The following DROSHA variants were observed in gnomAD, a reference collection of about 807,000 sequenced individuals.
The protein encoded by DROSHA is drosha ribonuclease III.
Under a neutral mutation model 181.9 loss-of-function variants are expected in DROSHA, and 56 were observed. The observed-to-expected ratio is 0.31, with a 90% CI of 0.25 to 0.38. The LOEUF is 0.38. Ranked by LOEUF, DROSHA falls within the 10% of genes least tolerant of loss-of-function variation. The probability of loss-of-function intolerance (pLI) is 1.00; values close to 1 mark genes in which losing one functional copy is unlikely to be tolerated. For missense variants in DROSHA, 1,218 were observed against 1,743.5 expected, an observed-to-expected ratio of 0.70 and a Z score of 5.37; for synonymous variants, 524 against 591.2, an observed-to-expected ratio of 0.89 and a Z score of 1.65.
intron 23 of DROSHA, 93 bp from the exon 24 acceptor site, chr5:31,437,391 G>T: frequency 8.8e-7 from 1 of 1,131,990 alleles, no homozygotes; most frequent in Non-Finnish European, 1.2e-6. Context: ...ATGAGGGTTA[G>T]CTCCTTTAGT....
chr5:31,431,367 A>AAG (rs1744160077), intron 26 of DROSHA, among the ~76,000 whole-genome samples: 1 of 15,826 alleles, frequency 6.3e-5, no homozygotes, highest in Admixed American at 7.5e-4. Flanking sequence ...AGTAGAATGC[A>AAG]AAAAAAAAAA....
intron 35 of DROSHA, among the ~76,000 whole-genome samples, chr5:31,405,069 T>C (rs1740478802): frequency 6.6e-6 from 1 of 152,122 alleles, no homozygotes; most frequent in African/African-American, 2.4e-5. Context: ...TAGAGAAATG[T>C]ATGAAAGAAA....
intron 13 of DROSHA, among the ~76,000 whole-genome samples, chr5:31,487,923 A>G (rs903414633): frequency 4.6e-5 from 7 of 152,210 alleles, no homozygotes; most frequent in African/African-American, 1.7e-4. Context: ...TAACAACTAT[A>G]TTAGGTTCAT....
intron 16 of DROSHA, among the ~76,000 whole-genome samples, chr5:31,478,033 T>C (rs996993509): frequency 6.6e-6 from 1 of 152,192 alleles, no homozygotes; most frequent in Admixed American, 6.5e-5. Context: ...TGATGACTTA[T>C]AAAACTTGAA....
chr5:31,474,474 C>T (rs914930201), intron 16 of DROSHA, among the ~76,000 whole-genome samples: 1 of 152,104 alleles, frequency 6.6e-6, no homozygotes, highest in East Asian at 1.9e-4. Context: ...GCAATCCTCC[C>T]ATCTCAGCAT....
At chr5:31,427,147 C>CA (rs1743573111) in intron 27 of DROSHA, among the ~76,000 whole-genome samples, 1 of 152,138 alleles carries the variant, frequency 6.6e-6, no homozygotes, top group African/African-American at 2.4e-5. Context: ...CTTGAAAAGA[C>CA]ACTTTTTCCA....
chr5:31,437,387 G>A lies in DROSHA; in HGVS notation c.2883-89C>T, dbSNP rs996559911. ...CCCCGCAAGAAAAGAACACATGAGG[G>A]TTAGCTCCTTTAGTAATCAAACCAC... is the stretch of plus-strand genomic sequence containing the variant. On this transcript the variant is annotated intron_variant, in intron 23 of 35. Transcript: ENST00000344624. The A allele has an allele frequency of 6.0e-6, 7 of 1,173,420 alleles. No individual in the cohort carries two copies. The African/African-American group carries it at 1.1e-4, about 19-fold the overall frequency. The allele number at this position is 1,173,420 out of a possible 1,614,324, so 72.7% of individuals were successfully genotyped here. A position where few individuals can be genotyped will look rare whatever the true frequency, so the allele number is the denominator to read the frequency against.
rs959910140 is a variant in DROSHA at position 31,410,876 on chromosome 5, G to A, written c.3537C>T (p.Ser1179=). Residue 1179 remains serine, a synonymous_variant, in exon 31 of 36, where the codon AGC becomes AGT. Transcript: ENST00000344624. ...CCTGAGTTCTATTATTCACCAAAGAGCTTCGCAACAACTGCCCAAAAGGAA... is the reference window on the plus strand; with the variant it reads ...CCTGAGTTCTATTATTCACCAAAGAACTTCGCAACAACTGCCCAAAAGGAA... The part of the protein sequence containing the change: ...HHEGHLTLLR[S]SLVNNRTQAK... 2.5e-6 allele frequency: 4 copies of A among 1,613,746 alleles called. No individual in the cohort carries two copies.
intron 12 of DROSHA, among the ~76,000 whole-genome samples, 181 bp downstream of exon 12, chr5:31,495,105 G>C (rs1752824109): frequency 6.6e-6 from 1 of 152,174 alleles, no homozygotes; most frequent in Admixed American, 6.5e-5. Context: ...AAAAGATATA[G>C]CAGTATAGTG....
Position 31,401,285 on chromosome 5 carries a change from C to T in DROSHA, c.*147G>A. The T allele has an allele frequency of 3.5e-6, 4 of 1,135,728 alleles. No homozygotes were observed. The highest frequency in any genetic ancestry group is 5.2e-6 in the Non-Finnish European group (4 of 768,968). 70.4% of individuals were successfully genotyped at this position (1,135,728 alleles called of 1,614,324 possible). On this transcript the variant is annotated 3_prime_UTR_variant, in exon 36 of 36. Transcript: ENST00000344624. The stretch of plus-strand genomic sequence containing the variant: ...AAAGACCATCCAGCTAAAAACAGAT[C>T]ATTAAAACAACAATAGCGATTTGAC...
chr5:31,528,892 T>C, intron 4 of DROSHA, 148 bp downstream of exon 4: 1 of 1,091,658 alleles, frequency 9.2e-7, no homozygotes, highest in Non-Finnish European at 1.3e-6. Context: ...CATGGCCCTC[T>C]ATTGTATTGT....
intron 23 of DROSHA, among the ~76,000 whole-genome samples, chr5:31,445,130 T>G (rs912771891): frequency 1.3e-5 from 2 of 152,200 alleles, no homozygotes; most frequent in African/African-American, 4.8e-5. Flanking sequence ...GCTATTCCAC[T>G]TTCCAACTCC....
chr5:31,437,469 G>A lies in DROSHA; in HGVS notation c.2883-171C>T. 4 of 616,536 alleles carry A rather than the reference G, an allele frequency of 6.5e-6. No individual in the cohort carries two copies. In the Admixed American group the frequency reaches 1.3e-4, roughly 20 times the overall value. The allele number at this position is 616,536 out of a possible 1,614,324, so 38.2% of individuals were successfully genotyped here. The stretch of plus-strand genomic sequence containing the variant: ...CCACCATCTTAGCCTAGAGGCATCT[G>A]GCACCTGCCTAATGGGAAGGAGGGG... On this transcript the variant is annotated intron_variant, in intron 23 of 35. Coordinates refer to ENST00000344624, the MANE Select transcript of DROSHA (RefSeq NM_001382508.1).
chr5:31,503,588 G>C (rs1190354021), intron 11 of DROSHA, among the ~76,000 whole-genome samples: 2 of 152,178 alleles, frequency 1.3e-5, no homozygotes, highest in African/African-American at 2.4e-5. Context: ...AGAGAGATGG[G>C]GTTATGACAG....
chr5:31,475,870 G>A (rs1750302185), intron 16 of DROSHA, among the ~76,000 whole-genome samples: 1 of 152,190 alleles, frequency 6.6e-6, no homozygotes, highest in African/African-American at 2.4e-5. Context: ...TACATTTACA[G>A]CTGCCTGACT....
chr5:31,509,877 G>T (rs1360485822), intron 9 of DROSHA, among the ~76,000 whole-genome samples: 1 of 152,104 alleles, frequency 6.6e-6, no homozygotes, highest in Non-Finnish European at 1.5e-5. Flanking sequence ...TAAGGGAACG[G>T]GGGAACTGGG....
At chr5:31,446,295 A>C (rs535204244) in intron 23 of DROSHA, among the ~76,000 whole-genome samples, 282 of 151,850 alleles carry the variant, frequency 1.9e-3, no homozygotes, top group Middle Eastern at 6.8e-3. Context: ...AAATACAAAA[A>C]AATTAGCCGG....
At chr5:31,472,884 A>C (rs1749905316) in intron 16 of DROSHA, among the ~76,000 whole-genome samples, 1 of 152,258 alleles carries the variant, frequency 6.6e-6, no homozygotes, top group African/African-American at 2.4e-5. Context: ...AAAAATAACA[A>C]AGGGCATCAT....
At chr5:31,469,347 ACT>A (rs1395178252) in intron 17 of DROSHA, among the ~76,000 whole-genome samples, 1 of 151,758 alleles carries the variant, frequency 6.6e-6, no homozygotes, top group African/African-American at 2.4e-5. Context: ...ACAGAGTGAG[ACT>A]CTGTCTCAAA....
Sources: gnomAD v4.1 joint callset for allele counts (sites outside exome capture counted in the v4.1 genomes callset) on GRCh38, gnomAD v4.1.1 for gene constraint, MANE v1.5 for transcripts, NCBI Gene and HGNC (gene_info 2026-07-23, HGNC 2026-07-21) for gene names.